The following FUT9 variants were observed in gnomAD, a reference collection of about 807,000 sequenced individuals.
FUT9 encodes 4-galactosyl-N-acetylglucosaminide 3-alpha-L-fucosyltransferase 9.
FUT9 carries 15 observed loss-of-function variants against 29.7 expected under a neutral mutation model. The observed-to-expected ratio is 0.51, with a 90% CI of 0.34 to 0.78. The LOEUF (loss-of-function observed/expected upper bound fraction) is 0.78, where lower values mean the gene tolerates loss of function less well. Ranked by LOEUF, FUT9 falls within the 30% of genes least tolerant of loss-of-function variation. The pLI is 0.01. For synonymous variants in FUT9, 169 were observed against 153.7 expected (o/e 1.10, Z -0.74); for missense variants, 319 against 425.4 (o/e 0.75, Z 2.20).
intron 1 of FUT9, among the ~76,000 whole-genome samples, chr6:96,084,450 T>C (rs1771285428): frequency 6.6e-6 from 1 of 152,108 alleles, no homozygotes; most frequent in African/African-American, 2.4e-5. Context: ...AATATATATC[T>C]AAATATCCCA....
chr6:96,144,956 C>T (rs182228467), intron 2 of FUT9, among the ~76,000 whole-genome samples: 274 of 152,246 alleles, frequency 1.8e-3, no homozygotes, highest in African/African-American at 6.2e-3. Context: ...AACTTAAGAA[C>T]TGTATTCATT....
chr6:96,045,839 T>C (rs764839328), intron 1 of FUT9, among the ~76,000 whole-genome samples: 1 of 152,188 alleles, frequency 6.6e-6, no homozygotes, highest in African/African-American at 2.4e-5. Context: ...TGGCGGGTAC[T>C]TTTTTGCAGT....
chr6:96,114,149 C>T (rs1771868250), intron 2 of FUT9, 22 bp downstream of exon 2: 1 of 152,100 alleles, frequency 6.6e-6, no homozygotes, highest in South Asian at 2.1e-4. Context: ...TTTACTTTCT[C>T]AATCTAGCTT....
At chr6:96,193,208 C>A (rs1407107731) in intron 2 of FUT9, among the ~76,000 whole-genome samples, 1 of 7,418 alleles carries the variant, frequency 1.3e-4, no homozygotes, top group Non-Finnish European at 6.3e-3. Flanking sequence ...CAAATGGGAT[C>A]TAATTAAACT....
intron 2 of FUT9, among the ~76,000 whole-genome samples, chr6:96,122,233 T>C (rs535876300): frequency 1.3e-5 from 2 of 152,160 alleles, no homozygotes; most frequent in Non-Finnish European, 2.9e-5. Context: ...AGTTAACACA[T>C]GAATAGAATT....
At chr6:96,111,333 T>C (rs1330080301) in intron 1 of FUT9, among the ~76,000 whole-genome samples, 1 of 152,160 alleles carries the variant, frequency 6.6e-6, no homozygotes, top group Non-Finnish European at 1.5e-5. Flanking sequence ...AAAAACGTAC[T>C]ATCATTATTT....
chr6:96,091,020 G>A (rs925769016), intron 1 of FUT9, among the ~76,000 whole-genome samples: 1 of 152,042 alleles, frequency 6.6e-6, no homozygotes, highest in African/African-American at 2.4e-5. Context: ...TAAAGCCATT[G>A]AGAATATATT....
chr6:96,034,216 C>A (rs1053411994), intron 1 of FUT9, among the ~76,000 whole-genome samples: 1 of 151,556 alleles, frequency 6.6e-6, no homozygotes, highest in Non-Finnish European at 1.5e-5. Flanking sequence ...GCAGAGGCAA[C>A]CTCTGTACCA....
Position 96,212,530 on chromosome 6 carries a change from G to A in FUT9, c.*8295G>A. On this transcript the variant is annotated 3_prime_UTR_variant, in exon 3 of 3. Coordinates refer to ENST00000302103, the MANE Select transcript of FUT9 (RefSeq NM_006581.4). ...ATATTTGAGAACAAGATTTTACTTAGAAGGGAAAAAAAAGAACTTTCAGCT... is the reference window on the plus strand; with the variant it reads ...ATATTTGAGAACAAGATTTTACTTAAAAGGGAAAAAAAAGAACTTTCAGCT... 1 of 405,216 alleles carries A rather than the reference G, an allele frequency of 2.5e-6. No individual in the cohort carries two copies. 25.1% of individuals were successfully genotyped at this position (405,216 alleles called of 1,614,324 possible).
chr6:96,181,137 T>C, intron 2 of FUT9, among the ~76,000 whole-genome samples: 1 of 152,078 alleles, frequency 6.6e-6, no homozygotes, highest in East Asian at 1.9e-4. Flanking sequence ...TTTACTTATG[T>C]GTGTATTTTC....
chr6:96,063,441 C>T (rs918633728), intron 1 of FUT9, among the ~76,000 whole-genome samples: 46 of 152,030 alleles, frequency 3.0e-4, no homozygotes, highest in Non-Finnish European at 5.7e-4. Flanking sequence ...CACTTTACAA[C>T]AATCAGATCT....
intron 1 of FUT9, among the ~76,000 whole-genome samples, chr6:96,031,092 TAAAC>T: frequency 6.6e-6 from 1 of 151,592 alleles, no homozygotes; most frequent in East Asian, 1.9e-4. Context: ...CATATTTCAG[TAAAC>T]CTGATTTTTA....
At chr6:96,152,288 G>A (rs1772691721) in intron 2 of FUT9, among the ~76,000 whole-genome samples, 1 of 152,176 alleles carries the variant, frequency 6.6e-6, no homozygotes, top group Non-Finnish European at 1.5e-5. Flanking sequence ...CTGAGGTTCA[G>A]ATTTGAAGAT....
At chr6:96,200,397 G>C (rs953009222) in intron 2 of FUT9, among the ~76,000 whole-genome samples, 2 of 152,148 alleles carry the variant, frequency 1.3e-5, no homozygotes, top group African/African-American at 2.4e-5. Context: ...AGGAAAGAGA[G>C]AGCACAATCC....
chr6:96,077,332 T>C (rs1466062000), intron 1 of FUT9, among the ~76,000 whole-genome samples: 2 of 152,164 alleles, frequency 1.3e-5, no homozygotes, highest in Non-Finnish European at 2.9e-5. Flanking sequence ...TACTCATTTT[T>C]GATCTAAATT....
chr6:96,096,300 C>A (rs1001825436), intron 1 of FUT9, among the ~76,000 whole-genome samples: 3 of 152,094 alleles, frequency 2.0e-5, no homozygotes, highest in African/African-American at 7.2e-5. Flanking sequence ...TGCTACTTCT[C>A]ACCTCAATCA....
intron 1 of FUT9, among the ~76,000 whole-genome samples, chr6:96,061,604 T>C (rs1047906369): frequency 6.6e-6 from 1 of 152,098 alleles, no homozygotes; most frequent in Non-Finnish European, 1.5e-5. Flanking sequence ...GCTTTTTATA[T>C]TTTTTTCTGA....
At chr6:96,201,885 G>C (rs529322494) in intron 2 of FUT9, among the ~76,000 whole-genome samples, 72 of 151,200 alleles carry the variant, frequency 4.8e-4, no homozygotes, top group African/African-American at 1.7e-3. Flanking sequence ...GCTACTCAGA[G>C]AGTCTCATAT....
rs114673135 is a variant in FUT9 at position 96,137,440 on chromosome 6, C to T, written c.-9+23313C>T. Among the ~76,000 whole-genome samples, 416 of 152,118 alleles carry T rather than the reference C, an allele frequency of 2.7e-3. 3 individuals carry two copies. Among genetic ancestry groups the T allele is most frequent in the Middle Eastern group, 0.017 (5 of 294 alleles). On this transcript the variant is annotated intron_variant, in intron 2 of 2. Transcript: ENST00000302103. ...ACAAGTTATGTGGATACTTCACCCT[C>T]AAGTAGAAGCATAAATTCCAAGTCC...
Sources: gnomAD v4.1 joint callset for allele counts (sites outside exome capture counted in the v4.1 genomes callset) on GRCh38, gnomAD v4.1.1 for gene constraint, MANE v1.5 for transcripts, NCBI Gene and HGNC (gene_info 2026-07-23, HGNC 2026-07-21) for gene names.